Variants in LMTK2 observed in about 807,000 individuals in gnomAD.
LMTK2 encodes the protein serine/threonine-protein kinase LMTK2.
A neutral mutation model predicts 127.5 loss-of-function variants in LMTK2; 37 were observed. The ratio of observed to expected loss-of-function variants is 0.29; its 90% CI spans 0.22 to 0.38. The LOEUF (loss-of-function observed/expected upper bound fraction) is 0.38. LMTK2 is among the 10% of genes least tolerant of loss of function. LMTK2 has a pLI of 1.00. For missense variants in LMTK2, 1,694 were observed against 1,920.3 expected, an observed-to-expected ratio of 0.88 and a Z score of 2.20; for synonymous variants, 819 against 810.1, an observed-to-expected ratio of 1.01 and a Z score of -0.19.
chr7:98,119,542 G>A (rs997627682), intron 1 of LMTK2, among the ~76,000 whole-genome samples: 1 of 152,138 alleles, frequency 6.6e-6, no homozygotes, highest in African/African-American at 2.4e-5. Flanking sequence ...TCCTTCTCTA[G>A]ATGTCTGTAT....
chr7:98,137,214 C>A (rs1232448663), intron 1 of LMTK2, 101 bp from the exon 2 acceptor site: 1 of 1,086,414 alleles, frequency 9.2e-7, no homozygotes, highest in Non-Finnish European at 1.3e-6. Context: ...ATTTTATTAA[C>A]CCTTACACCC....
chr7:98,136,381 C>G (rs1048267990), intron 1 of LMTK2, among the ~76,000 whole-genome samples: 1 of 152,180 alleles, frequency 6.6e-6, no homozygotes, highest in African/African-American at 2.4e-5. Context: ...TTGCTGTAGG[C>G]AAGATGCCCT....
intron 1 of LMTK2, chr7:98,126,705 T>C (rs1007909135): frequency 3.3e-5 from 5 of 152,206 alleles, no homozygotes; most frequent in Non-Finnish European, 5.9e-5. Flanking sequence ...CAAATTTTAG[T>C]GGAATAGTCT....
chr7:98,144,310 G>A (rs919993727), intron 3 of LMTK2, among the ~76,000 whole-genome samples: 6 of 151,908 alleles, frequency 3.9e-5, no homozygotes, highest in African/African-American at 1.5e-4. Flanking sequence ...ACGGGCGCCT[G>A]TATTCCCAGC....
At position 98,193,728 on chromosome 7, in the gene LMTK2, C is replaced by T. The variant is rs748748523; in HGVS notation, c.3263C>T (p.Thr1088Ile). 1.2e-6 allele frequency: 2 copies of T among 1,613,928 alleles called. No individual in the cohort carries two copies. Among genetic ancestry groups the T allele is most frequent in the Admixed American group, 3.3e-5 (2 of 60,030 alleles). Residue 1088 changes from threonine to isoleucine, a missense_variant, in exon 11 of 14, where the codon ACC becomes ATC. This residue lies in a region of LMTK2 where 554 missense variants were observed against 567.7 expected (regional missense o/e 0.98). Transcript: ENST00000297293. This position sits in a 1 kb window ranked among gnomAD's most constrained non-coding sequence, Gnocchi z 4.1. ...GATGGTCACAGAGGCACAGAAGTGA[C>T]CCCTGAGACGTTCACAGCTGGCTCC... Reference protein sequence around the residue: ...AGDGHRGTEVTPETFTAGSQG... With the variant: ...AGDGHRGTEVIPETFTAGSQG...
intron 6 of LMTK2, among the ~76,000 whole-genome samples, chr7:98,167,564 T>A (rs1797119713): frequency 6.6e-6 from 1 of 152,230 alleles, no homozygotes; most frequent in African/African-American, 2.4e-5. Flanking sequence ...TGGATGTGGC[T>A]GCCTAGAGGC....
chr7:98,194,450 C>T lies in LMTK2; in HGVS notation c.3985C>T (p.His1329Tyr), dbSNP rs762680200. 1.9e-6 allele frequency: 3 copies of T among 1,614,092 alleles called. No individual in the cohort carries two copies. The highest frequency in any genetic ancestry group is 2.5e-6 in the Non-Finnish European group (3 of 1,180,042). ...PIILSNEDGR[H>Y]LRSLLKPTAA... ...CATCCTCAGCAACGAGGACGGAAGGCACCTGCGGAGTCTGTTGAAGCCCAC... is the reference window on the plus strand; with the variant it reads ...CATCCTCAGCAACGAGGACGGAAGGTACCTGCGGAGTCTGTTGAAGCCCAC... Residue 1329 changes from histidine to tyrosine, a missense_variant, in exon 11 of 14, where the codon CAC becomes TAC. By Grantham distance (83) the His-to-Tyr change is moderately conservative (BLOSUM62 2). Coordinates refer to ENST00000297293, the MANE Select transcript of LMTK2 (RefSeq NM_014916.4). This position sits in a 1 kb window ranked among gnomAD's most constrained non-coding sequence, Gnocchi z 5.4.
intron 5 of LMTK2, among the ~76,000 whole-genome samples, chr7:98,155,952 T>G (rs1284986051): frequency 6.6e-6 from 1 of 151,622 alleles, no homozygotes; most frequent in African/African-American, 2.4e-5. Flanking sequence ...TGGGAGAAAA[T>G]AGCTGGAAAC....
intron 6 of LMTK2, among the ~76,000 whole-genome samples, chr7:98,165,021 G>T (rs996149148): frequency 6.6e-6 from 1 of 152,238 alleles, no homozygotes; most frequent in Non-Finnish European, 1.5e-5. Context: ...TCTGAAGGCA[G>T]TTCGCAGTGG....
rs1797782727 is a variant in LMTK2 at position 98,205,699 on chromosome 7, G to A, written c.*207G>A. 1.6e-6 allele frequency: 1 copy of A among 615,174 alleles called. No homozygotes were observed. The highest frequency in any genetic ancestry group is 2.9e-5 in the Admixed American group (1 of 34,588). 38.1% of individuals were successfully genotyped at this position (615,174 alleles called of 1,614,324 possible). ...GTGCAGAGCGAGGCCGTGTCCAGGA[G>A]CCGGCGTCCCTCAGTGCCCCGTGCA... On this transcript the variant is annotated 3_prime_UTR_variant, in exon 14 of 14. Coordinates refer to ENST00000297293, the MANE Select transcript of LMTK2 (RefSeq NM_014916.4).
At chr7:98,170,533 CT>C (rs202096792) in intron 6 of LMTK2, among the ~76,000 whole-genome samples, 121 of 142,348 alleles carry the variant, frequency 8.5e-4, no homozygotes, top group East Asian at 5.5e-3. Flanking sequence ...CCTCAGGAGT[CT>C]TTTTTTTTTT....
chr7:98,191,477 A>G (rs373182778), intron 10 of LMTK2, 137 bp from the exon 11 acceptor site: 2 of 655,032 alleles, frequency 3.1e-6, no homozygotes, highest in Non-Finnish European at 2.5e-6. Context: ...GCTTGAACCC[A>G]GGAGGCAGAG....
At chr7:98,184,951 T>C (rs561173758) in intron 7 of LMTK2, 100 bp from the exon 8 acceptor site, 15 of 812,730 alleles carry the variant, frequency 1.8e-5, no homozygotes, top group Admixed American at 7.3e-5. Flanking sequence ...TCAATATACT[T>C]ACTCGGATCC....
chr7:98,126,927 TG>T (rs1352012711), intron 1 of LMTK2, among the ~76,000 whole-genome samples: 2 of 152,212 alleles, frequency 1.3e-5, no homozygotes, highest in Admixed American at 1.3e-4. Flanking sequence ...AGGGTCTTTG[TG>T]GTATCTCTGA....
chr7:98,125,146 A>G (rs967608013), intron 1 of LMTK2, among the ~76,000 whole-genome samples: 2 of 151,932 alleles, frequency 1.3e-5, no homozygotes, highest in African/African-American at 4.8e-5. Flanking sequence ...TACTAAATAT[A>G]CAAAAAATTA....
chr7:98,150,174 A>G (rs1255797803), intron 3 of LMTK2, among the ~76,000 whole-genome samples: 1 of 151,954 alleles, frequency 6.6e-6, no homozygotes, highest in African/African-American at 2.4e-5. Context: ...CGGGCGTGGT[A>G]GCAGGTGCCT....
intron 1 of LMTK2, among the ~76,000 whole-genome samples, chr7:98,107,706 G>A (rs564714798): frequency 1.2e-4 from 18 of 152,302 alleles, no homozygotes; most frequent in African/African-American, 3.6e-4. Flanking sequence ...CGAGCTGTGC[G>A]GAGTTTGTTT....
intron 3 of LMTK2, among the ~76,000 whole-genome samples, chr7:98,146,062 A>G (rs572153758): frequency 8.9e-4 from 135 of 152,182 alleles, no homozygotes; most frequent in Non-Finnish European, 1.9e-3. Context: ...TGTTTGAGAG[A>G]CTGTTGTTTT....
At chr7:98,109,743 C>CAAAAAAAAAAAA (rs1156337163) in intron 1 of LMTK2, among the ~76,000 whole-genome samples, 3 of 53,302 alleles carry the variant, frequency 5.6e-5, no homozygotes, top group Admixed American at 1.8e-4. Context: ...GACTCCGTCT[C>CAAAAAAAAAAAA]AAAAAAAAAA....
Sources: allele counts gnomAD v4.1 joint callset (sites outside exome capture counted in the v4.1 genomes callset), GRCh38; gene constraint gnomAD v4.1.1; regional missense constraint gnomAD v4.1.1; non-coding constraint Gnocchi (gnomAD v3.1); transcripts MANE v1.5; gene names NCBI Gene and HGNC (gene_info 2026-07-23, HGNC 2026-07-21).